The following ERBB4 variants were observed in gnomAD, a reference collection of about 807,000 sequenced individuals.
ERBB4 encodes the protein receptor tyrosine-protein kinase erbB-4.
A neutral mutation model predicts 158.0 loss-of-function variants in ERBB4; 42 were observed. That is an observed-to-expected ratio of 0.27 (90% CI 0.21 to 0.34). The LOEUF (loss-of-function observed/expected upper bound fraction) is 0.34. ERBB4 is among the 10% of genes least tolerant of loss of function. The probability of loss-of-function intolerance (pLI) is 1.00; values close to 1 mark genes in which losing one functional copy is unlikely to be tolerated. For missense variants in ERBB4, 1,333 were observed against 1,624.1 expected (o/e 0.82, Z 3.08); for synonymous variants, 583 against 558.7 (o/e 1.04, Z -0.61).
chr2:211,608,593 G>A (rs2069075200), intron 19 of ERBB4, among the ~76,000 whole-genome samples: 1 of 152,076 alleles, frequency 6.6e-6, no homozygotes, highest in Non-Finnish European at 1.5e-5. Context: ...TTACAATTTT[G>A]ATCTTAATGC....
At chr2:211,467,878 T>C (rs562889852) in intron 20 of ERBB4, among the ~76,000 whole-genome samples, 2 of 152,244 alleles carry the variant, frequency 1.3e-5, no homozygotes, top group African/African-American at 2.4e-5. Context: ...ATTCCCAAAA[T>C]ATGCAGGGAA....
chr2:212,211,494 T>C (rs1247067874), intron 1 of ERBB4, among the ~76,000 whole-genome samples: 1 of 152,048 alleles, frequency 6.6e-6, no homozygotes, highest in Non-Finnish European at 1.5e-5. Flanking sequence ...ACATGTAGTC[T>C]ACACTTTCTA....
intron 1 of ERBB4, among the ~76,000 whole-genome samples, chr2:212,273,421 A>G (rs1200377406): frequency 6.6e-6 from 1 of 151,796 alleles, no homozygotes; most frequent in Non-Finnish European, 1.5e-5. Context: ...AGCACTCCAG[A>G]GTTATTTTTG....
intron 5 of ERBB4, among the ~76,000 whole-genome samples, chr2:211,742,630 A>C (rs1190016562): frequency 2.0e-5 from 3 of 151,888 alleles, no homozygotes; most frequent in African/African-American, 4.8e-5. Flanking sequence ...TGAAACTTTT[A>C]ATATATTGCA....
intron 1 of ERBB4, among the ~76,000 whole-genome samples, chr2:212,425,476 T>C (rs1162682107): frequency 6.9e-6 from 1 of 143,942 alleles, no homozygotes; most frequent in African/African-American, 2.7e-5. Context: ...AAAGTAATTG[T>C]ATATTTCTCC....
At chr2:211,810,654 GTC>G (rs2076729809) in intron 3 of ERBB4, among the ~76,000 whole-genome samples, 1 of 141,382 alleles carries the variant, frequency 7.1e-6, no homozygotes, top group Non-Finnish European at 1.5e-5. Context: ...CAATTTGCCA[GTC>G]TCTGTCTTTT....
At chr2:211,689,912 G>C (rs1024771223) in intron 12 of ERBB4, among the ~76,000 whole-genome samples, 1 of 151,550 alleles carries the variant, frequency 6.6e-6, no homozygotes, top group Admixed American at 6.6e-5. Flanking sequence ...ACGGTGTCAC[G>C]AGTCTCTCCG....
In ERBB4 at chr2:212,267,978, T is replaced by A. The variant is rs374874335; in HGVS notation, c.83-143075A>T. Among the ~76,000 whole-genome samples the A allele has an allele frequency of 9.2e-5, 14 of 152,014 alleles. No individual in the cohort carries two copies. The East Asian group carries it at 2.1e-3, about 23-fold the overall frequency. On this transcript the variant is annotated intron_variant, in intron 1 of 27. Coordinates refer to ENST00000342788, the MANE Select transcript of ERBB4 (RefSeq NM_005235.3). ...AGACAGGGCAATCTTAATTACAATA[T>A]CTACATATCAACAGAGTGCTATGCC...
chr2:211,826,992 A>C (rs142776470), intron 3 of ERBB4, among the ~76,000 whole-genome samples: 1 of 151,984 alleles, frequency 6.6e-6, no homozygotes, highest in African/African-American at 2.4e-5. Context: ...GTTTTCAGTT[A>C]AGTTTGTGTT....
intron 1 of ERBB4, among the ~76,000 whole-genome samples, chr2:212,395,864 G>A (rs1223349143): frequency 6.6e-6 from 1 of 152,000 alleles, no homozygotes; most frequent in Non-Finnish European, 1.5e-5. Flanking sequence ...TGATCTGCCT[G>A]CCTCGGCCTC....
chr2:211,886,214 T>G (rs2078796910), intron 3 of ERBB4, among the ~76,000 whole-genome samples: 1 of 152,176 alleles, frequency 6.6e-6, no homozygotes, highest in Non-Finnish European at 1.5e-5. Flanking sequence ...TTATTAACCT[T>G]TAGTCAGATT....
At chr2:212,392,023 C>T (rs891695940) in intron 1 of ERBB4, among the ~76,000 whole-genome samples, 2 of 151,398 alleles carry the variant, frequency 1.3e-5, no homozygotes, top group African/African-American at 4.8e-5. Flanking sequence ...GAAATATTCA[C>T]CATCTTTACA....
rs376056006 is a variant in ERBB4, at chr2:212,108,839, C to A, written c.234+15913G>T. ...TAAAAAGACTTTAAAGTTTTCTAAA[C>A]AACTTTCTACCAAATGCATGAAATC... On this transcript the variant is annotated intron_variant, in intron 2 of 27. Coordinates refer to ENST00000342788, the MANE Select transcript of ERBB4 (RefSeq NM_005235.3). Among the ~76,000 whole-genome samples, 5 of 148,612 alleles carry A rather than the reference C, an allele frequency of 3.4e-5. No homozygotes were observed. The East Asian group carries it at 1.0e-3, about 30-fold the overall frequency.
In ERBB4 at chr2:211,476,350, C is replaced by T. The variant is rs569981413; in HGVS notation, c.2488-45250G>A. On this transcript the variant is annotated intron_variant, in intron 20 of 27. Coordinates refer to ENST00000342788, the MANE Select transcript of ERBB4 (RefSeq NM_005235.3). ...GTGCTCAATAAAAAAATGCAAACTT[C>T]CTTTGTGAGACAAAAGAGAATCACT... is the stretch of plus-strand genomic sequence containing the variant. 8.0e-4 allele frequency among the ~76,000 whole-genome samples: 122 copies of T among 151,984 alleles called. 6 individuals are homozygous for T. The highest frequency in any genetic ancestry group is 1.5e-4 in the Non-Finnish European group (10 of 67,986).
At chr2:212,293,873 A>AAAAAT (rs1553612446) in intron 1 of ERBB4, among the ~76,000 whole-genome samples, 5 of 146,058 alleles carry the variant, frequency 3.4e-5, no homozygotes, top group African/African-American at 1.1e-4. Flanking sequence ...AAAAAAAAAA[A>AAAAAT]CATACATTTG....
At chr2:212,316,655 A>T (rs1003779448) in intron 1 of ERBB4, among the ~76,000 whole-genome samples, 2 of 151,490 alleles carry the variant, frequency 1.3e-5, no homozygotes, top group African/African-American at 4.8e-5. Flanking sequence ...TGCTGAGCGA[A>T]ATTGCTTGTT....
chr2:211,623,443 T>A (rs1296022556), intron 18 of ERBB4, among the ~76,000 whole-genome samples: 1 of 152,070 alleles, frequency 6.6e-6, no homozygotes, highest in Admixed American at 6.5e-5. Context: ...TATTAAGACA[T>A]CAGCATATTT....
At chr2:211,534,646 G>C (rs2066594772) in intron 20 of ERBB4, among the ~76,000 whole-genome samples, 1 of 152,020 alleles carries the variant, frequency 6.6e-6, no homozygotes, top group Non-Finnish European at 1.5e-5. Context: ...CCATTATCTT[G>C]CTTCTCATGT....
intron 1 of ERBB4, among the ~76,000 whole-genome samples, chr2:212,190,304 A>G (rs1181726818): frequency 6.6e-6 from 1 of 152,208 alleles, no homozygotes; most frequent in Non-Finnish European, 1.5e-5. Context: ...TGGGAGGCCA[A>G]GGCGGGCGGA....
Sources: allele counts gnomAD v4.1 joint callset (sites outside exome capture counted in the v4.1 genomes callset), GRCh38; gene constraint gnomAD v4.1.1; transcripts MANE v1.5; gene names NCBI Gene and HGNC (gene_info 2026-07-23, HGNC 2026-07-21).